Variants in BBS9 observed in about 807,000 individuals in gnomAD.
The protein encoded by BBS9 is Bardet-Biedl syndrome 9.
A neutral mutation model predicts 117.7 loss-of-function variants in BBS9; 89 were observed. The observed-to-expected ratio is 0.76, with a 90% confidence interval of 0.64 to 0.90. The LOEUF is 0.90. Among genes scored for constraint, BBS9 ranks in the 40% least tolerant of loss-of-function variants. The pLI is 0.00. For synonymous variants in BBS9, 379 were observed against 370.9 expected (o/e 1.02, Z -0.25); for missense variants, 982 against 1,042.2 (o/e 0.94, Z 0.80).
chr7:33,599,606 A>T (rs1863477631), intron 21 of BBS9, among the ~76,000 whole-genome samples: 1 of 152,336 alleles, frequency 6.6e-6, no homozygotes, highest in Non-Finnish European at 1.5e-5. Flanking sequence ...TGCCTCAAAG[A>T]CATTCTTTTT....
intron 21 of BBS9, among the ~76,000 whole-genome samples, chr7:33,554,334 G>A (rs1854934229): frequency 6.6e-6 from 1 of 152,162 alleles, no homozygotes; most frequent in African/African-American, 2.4e-5. Context: ...CAGCTGGAAT[G>A]GAAACCAGGA....
intron 9 of BBS9, among the ~76,000 whole-genome samples, chr7:33,276,429 A>G (rs887433233): frequency 1.3e-5 from 2 of 152,188 alleles, no homozygotes; most frequent in African/African-American, 4.8e-5. Context: ...CTATATTTTA[A>G]TCACTTGCAA....
chr7:33,585,168 G>T (rs917844709), intron 21 of BBS9, among the ~76,000 whole-genome samples: 2 of 152,052 alleles, frequency 1.3e-5, no homozygotes, highest in Admixed American at 1.3e-4. Flanking sequence ...AACAGTGCAA[G>T]ATGTTTTTAG....
intron 7 of BBS9, among the ~76,000 whole-genome samples, chr7:33,265,874 G>T (rs551537068): frequency 6.6e-6 from 1 of 151,458 alleles, no homozygotes; most frequent in African/African-American, 2.4e-5. Context: ...AGATAAATTA[G>T]GTATTTATAT....
chr7:33,504,982 A>G (rs1845941717), intron 19 of BBS9, among the ~76,000 whole-genome samples: 1 of 152,178 alleles, frequency 6.6e-6, no homozygotes. Flanking sequence ...TAGATATCTC[A>G]ATACCATGTA....
At chr7:33,248,152 T>C (rs1004321464) in intron 5 of BBS9, among the ~76,000 whole-genome samples, 1 of 152,216 alleles carries the variant, frequency 6.6e-6, no homozygotes, top group African/African-American at 2.4e-5. Context: ...CTCATGAGGC[T>C]ATTTATTGGA....
intron 21 of BBS9, among the ~76,000 whole-genome samples, chr7:33,537,035 A>G (rs557847694): frequency 2.0e-5 from 3 of 152,044 alleles, no homozygotes; most frequent in South Asian, 2.1e-4. Context: ...TTTTGCAGAG[A>G]TGATCTTTTT....
At position 33,571,740 on chromosome 7, in the gene BBS9, C is replaced by T. The variant is rs577535744; in HGVS notation, c.2522-33125C>T. Among the ~76,000 whole-genome samples the T allele has an allele frequency of 9.2e-5, 14 of 152,104 alleles. No individual in the cohort carries two copies. In the South Asian group the frequency reaches 2.7e-3, roughly 29 times the overall value. On this transcript the variant is annotated intron_variant, in intron 21 of 22. Transcript: ENST00000242067. ...TCCATGTGCAATTAAATTTTACATT[C>T]ATCAGGCAGCATTCTGCTAAAAGAA...
intron 16 of BBS9, among the ~76,000 whole-genome samples, chr7:33,359,597 T>G (rs1319122067): frequency 4.6e-5 from 7 of 152,126 alleles, no homozygotes; most frequent in Non-Finnish European, 1.0e-4. Context: ...GGATTTGTAT[T>G]AATGTTAAAC....
chr7:33,183,814 G>C (rs1255529918), intron 5 of BBS9, among the ~76,000 whole-genome samples: 1 of 151,498 alleles, frequency 6.6e-6, no homozygotes, highest in East Asian at 1.9e-4. Flanking sequence ...ACCTCATTCA[G>C]TTTTTTTTTG....
chr7:33,335,462 C>G (rs1815140272), intron 9 of BBS9, among the ~76,000 whole-genome samples: 1 of 152,020 alleles, frequency 6.6e-6, no homozygotes, highest in Admixed American at 6.5e-5. Context: ...AAAAGTGAGT[C>G]AAACAAATCC....
intron 19 of BBS9, among the ~76,000 whole-genome samples, chr7:33,458,005 C>T (rs1838898864): frequency 6.6e-6 from 1 of 152,150 alleles, no homozygotes; most frequent in South Asian, 2.1e-4. Context: ...TCTTTTAGCT[C>T]TGAGACAATT....
chr7:33,485,308 G>GTTTT (rs371550940), intron 19 of BBS9, among the ~76,000 whole-genome samples: 9 of 127,170 alleles, frequency 7.1e-5, no homozygotes, highest in Non-Finnish European at 8.3e-5. Context: ...TAACATAAAA[G>GTTTT]TTTTTTTTTT....
At chr7:33,166,207 T>C (rs1795656622) in intron 4 of BBS9, among the ~76,000 whole-genome samples, 1 of 152,212 alleles carries the variant, frequency 6.6e-6, no homozygotes. Context: ...CAAATATTGC[T>C]GCCTGATCCT....
chr7:33,150,713 T>TG (rs1793173123), intron 2 of BBS9, among the ~76,000 whole-genome samples: 1 of 152,082 alleles, frequency 6.6e-6, no homozygotes, highest in Non-Finnish European at 1.5e-5. Flanking sequence ...GCTTGTATCT[T>TG]GGGGAAAAAA....
chr7:33,215,927 A>T (rs902243820), intron 5 of BBS9, among the ~76,000 whole-genome samples: 2 of 152,206 alleles, frequency 1.3e-5, no homozygotes, highest in African/African-American at 4.8e-5. Flanking sequence ...ACTTTTCTTG[A>T]ATTTTCTTTT....
chr7:33,423,444 A>G (rs1380934993), intron 19 of BBS9, among the ~76,000 whole-genome samples: 1 of 151,908 alleles, frequency 6.6e-6, no homozygotes, highest in Admixed American at 6.6e-5. Flanking sequence ...GAGAAAAACA[A>G]AGGTTTTTGA....
chr7:33,395,845 C>A (rs1024489013), intron 19 of BBS9, among the ~76,000 whole-genome samples: 3 of 152,022 alleles, frequency 2.0e-5, no homozygotes, highest in African/African-American at 7.2e-5. Context: ...TATAATGAAA[C>A]CATTCAGAGG....
At chr7:33,371,155 C>T (rs1459065847) in intron 17 of BBS9, among the ~76,000 whole-genome samples, 6 of 152,144 alleles carry the variant, frequency 3.9e-5, no homozygotes, top group Non-Finnish European at 5.9e-5. Context: ...GATGAAATTT[C>T]GCTTATGAAT....
Sources: gnomAD v4.1 joint callset for allele counts (sites outside exome capture counted in the v4.1 genomes callset) on GRCh38, gnomAD v4.1.1 for gene constraint, MANE v1.5 for transcripts, NCBI Gene and HGNC (gene_info 2026-07-23, HGNC 2026-07-21) for gene names.